ZNF277: variants seen among roughly 807,000 people sequenced by gnomAD.
The protein encoded by ZNF277 is zinc finger protein 277, also known as nuclear receptor-interacting factor 4.
Under a neutral mutation model 60.7 loss-of-function variants are expected in ZNF277, and 55 were observed. The ratio of observed to expected loss-of-function variants is 0.91; its 90% CI spans 0.73 to 1.13. The LOEUF (loss-of-function observed/expected upper bound fraction) is 1.13, where lower values mean the gene tolerates loss of function less well. Among genes scored for constraint, ZNF277 ranks in the 50% most tolerant of loss-of-function variants. The pLI is 0.00. For synonymous variants in ZNF277, 178 were observed against 179.3 expected (o/e 0.99, Z 0.06); for missense variants, 510 against 523.0 (o/e 0.98, Z 0.24).
At chr7:112,274,592 A>G (rs1011132051) in intron 1 of ZNF277, among the ~76,000 whole-genome samples, 2 of 152,216 alleles carry the variant, frequency 1.3e-5, no homozygotes, top group Non-Finnish European at 2.9e-5. Context: ...TGTCATAGCT[A>G]CTTAATTTTG....
At chr7:112,280,077 C>T (rs1249919077) in intron 1 of ZNF277, among the ~76,000 whole-genome samples, 3 of 152,064 alleles carry the variant, frequency 2.0e-5, no homozygotes, top group Admixed American at 1.3e-4. Flanking sequence ...GGATATAAAT[C>T]CCTTTTTGTT....
At chr7:112,255,316 C>G (rs569336792) in intron 1 of ZNF277, among the ~76,000 whole-genome samples, 102 of 152,252 alleles carry the variant, frequency 6.7e-4, no homozygotes, top group Non-Finnish European at 1.2e-3. Flanking sequence ...CACAAGTTAA[C>G]TTTATCACAT....
intron 1 of ZNF277, among the ~76,000 whole-genome samples, chr7:112,283,560 G>T (rs762192408): frequency 1.3e-5 from 2 of 152,060 alleles, no homozygotes; most frequent in Non-Finnish European, 2.9e-5. Flanking sequence ...TTAATACCTC[G>T]CAAACCACAA....
intron 1 of ZNF277, among the ~76,000 whole-genome samples, chr7:112,220,554 T>C (rs986746837): frequency 6.6e-6 from 1 of 152,218 alleles, no homozygotes; most frequent in African/African-American, 2.4e-5. Context: ...CTGTGGTGAA[T>C]AGAGGTGCTG....
At chr7:112,320,189 C>G (rs891529480) in intron 5 of ZNF277, among the ~76,000 whole-genome samples, 1 of 152,124 alleles carries the variant, frequency 6.6e-6, no homozygotes, top group African/African-American at 2.4e-5. Flanking sequence ...TGGTGTTTCT[C>G]TAGTTCCTAA....
intron 1 of ZNF277, among the ~76,000 whole-genome samples, chr7:112,286,539 C>A (rs1050326032): frequency 1.5e-4 from 23 of 152,140 alleles, no homozygotes; most frequent in African/African-American, 5.6e-4. Context: ...AGTGTTGCAG[C>A]CTTCCCCCTT....
chr7:112,331,357 T>C (rs1405319683), intron 7 of ZNF277, among the ~76,000 whole-genome samples: 5 of 152,240 alleles, frequency 3.3e-5, no homozygotes, highest in South Asian at 4.1e-4. Context: ...TCCAGAGGAA[T>C]TGGAAGAAAA....
At chr7:112,330,905 A>G (rs797021761) in intron 7 of ZNF277, among the ~76,000 whole-genome samples, 3 of 152,236 alleles carry the variant, frequency 2.0e-5, no homozygotes, top group Admixed American at 6.5e-5. Flanking sequence ...TATATATTCT[A>G]TTCAAAAGAA....
intron 4 of ZNF277, among the ~76,000 whole-genome samples, chr7:112,317,280 C>T (rs1792866107): frequency 6.6e-6 from 1 of 151,996 alleles, no homozygotes; most frequent in Admixed American, 6.6e-5. Flanking sequence ...ATGATCTGCA[C>T]ATGTATCCCA....
At chr7:112,340,732 G>A (rs1017616786) in intron 10 of ZNF277, 140 bp from the exon 11 acceptor site, 1 of 648,272 alleles carries the variant, frequency 1.5e-6, no homozygotes, top group African/African-American at 1.9e-5. Context: ...GTTATTATTT[G>A]GTATCTATTA....
intron 4 of ZNF277, among the ~76,000 whole-genome samples, chr7:112,315,176 C>T (rs76061488): frequency 0.14 from 20,932 of 151,984 alleles, 1,589 homozygotes; most frequent in South Asian, 0.16. Context: ...ATAACTCCCC[C>T]GACGCTCATC....
At position 112,342,611 on chromosome 7, in the gene ZNF277, A is replaced by G; in HGVS notation, c.1235A>G (p.Asp412Gly). 1 of 1,613,302 alleles carries G rather than the reference A, an allele frequency of 6.2e-7. No individual in the cohort carries two copies. The highest frequency in any genetic ancestry group is 8.5e-7 in the Non-Finnish European group (1 of 1,179,862). Residue 412 changes from aspartate to glycine, a missense_variant, in exon 12 of 12, where the codon GAC becomes GGC. Asp to Gly is a moderately conservative substitution (Grantham distance 94). Coordinates refer to ENST00000361822, the MANE Select transcript of ZNF277 (RefSeq NM_021994.3). ...GACACTCTCCTGTGTACACTATCTGACAGTGAAAGTGACCTGACAGCTCAG... is the reference window on the plus strand; with the variant it reads ...GACACTCTCCTGTGTACACTATCTGGCAGTGAAAGTGACCTGACAGCTCAG... The part of the protein sequence containing the change: ...ENDTLLCTLS[D>G]SESDLTAQEQ...
intron 4 of ZNF277, 78 bp from the exon 5 acceptor site, chr7:112,318,104 C>T: frequency 3.3e-6 from 4 of 1,206,696 alleles, no homozygotes; most frequent in Non-Finnish European, 4.9e-6. Flanking sequence ...GCCCAGTTTC[C>T]TCCCATCCAG....
intron 7 of ZNF277, 65 bp from the exon 8 acceptor site, chr7:112,336,034 TCAAAG>T: frequency 7.3e-7 from 1 of 1,370,970 alleles, no homozygotes; most frequent in African/African-American, 1.5e-5. Context: ...TTGATTTTTT[TCAAAG>T]TTCTACATAC....
rs1310651415 is a variant in ZNF277 at position 112,330,181 on chromosome 7, A to G, written c.766A>G (p.Arg256Gly). Residue 256 changes from arginine (R) to glycine (G), a missense_variant, in exon 7 of 12, where the codon AGA becomes GGA. Transcript: ENST00000361822. ...KQHRKINPKN[R>G]EYDRFYVINY... ...GCATCGTAAGATTAATCCTAAGAAC[A>G]GAGAATATGACAGATTTTATGTCAT... 6.2e-7 allele frequency: 1 copy of G among 1,613,114 alleles called. No homozygotes were observed. The highest frequency in any genetic ancestry group is 8.5e-7 in the Non-Finnish European group (1 of 1,179,776).
intron 1 of ZNF277, among the ~76,000 whole-genome samples, chr7:112,245,192 A>G (rs958811192): frequency 6.6e-6 from 1 of 152,214 alleles, no homozygotes; most frequent in East Asian, 1.9e-4. Flanking sequence ...TGGACCTTCA[A>G]GTCATCATTT....
intron 1 of ZNF277, among the ~76,000 whole-genome samples, chr7:112,219,930 C>T (rs561716854): frequency 6.6e-6 from 1 of 152,348 alleles, no homozygotes; most frequent in East Asian, 1.9e-4. Context: ...ACCCACCAAA[C>T]CCAGCTGCTA....
intron 1 of ZNF277, among the ~76,000 whole-genome samples, chr7:112,262,445 A>G (rs975875943): frequency 6.6e-6 from 1 of 152,114 alleles, no homozygotes; most frequent in African/African-American, 2.4e-5. Context: ...TATAGCAAAC[A>G]GTATTTTTAG....
intron 2 of ZNF277, among the ~76,000 whole-genome samples, chr7:112,291,770 T>C (rs1226372236): frequency 6.6e-6 from 1 of 152,176 alleles, no homozygotes; most frequent in Non-Finnish European, 1.5e-5. Flanking sequence ...AAACCACTAT[T>C]ATGTGTTTAA....
Sources: allele counts gnomAD v4.1 joint callset (sites outside exome capture counted in the v4.1 genomes callset), GRCh38; gene constraint gnomAD v4.1.1; transcripts MANE v1.5; gene names NCBI Gene and HGNC (gene_info 2026-07-23, HGNC 2026-07-21).